The following TEAD3 variants were observed in gnomAD, a reference collection of about 807,000 sequenced individuals.
The protein encoded by TEAD3 is transcriptional enhancer factor TEF-5.
TEAD3 carries 15 observed loss-of-function variants against 55.6 expected under a neutral mutation model. That is an observed-to-expected ratio of 0.27 (90% confidence interval 0.18 to 0.42). The LOEUF (loss-of-function observed/expected upper bound fraction) is 0.42, where lower values mean the gene tolerates loss of function less well. TEAD3 is among the 10% of genes least tolerant of loss of function. The pLI is 1.00. For synonymous variants in TEAD3, 210 were observed against 232.2 expected (o/e 0.90, Z 0.87); for missense variants, 407 against 576.8 (o/e 0.71, Z 3.01).
rs1768359426 is a variant in TEAD3 at position 35,485,663 on chromosome 6, C to A, written c.202+798G>T. Among the ~76,000 whole-genome samples the A allele has an allele frequency of 6.6e-6, 1 of 152,194 alleles. No individual in the cohort carries two copies. Among genetic ancestry groups the A allele is most frequent in the African/African-American group, 2.4e-5 (1 of 41,452 alleles). On this transcript the variant is annotated intron_variant, in intron 2 of 12. Transcript: ENST00000639578. This position sits in a 1 kb window ranked among gnomAD's most constrained non-coding sequence, Gnocchi z 4.3. Reference sequence around the variant, plus strand: ...GGCAGCAGTGGGGGCAGACAGCACCCACCCTGTGGAAGGCACCCTGGACCA... The same window carrying A: ...GGCAGCAGTGGGGGCAGACAGCACCAACCCTGTGGAAGGCACCCTGGACCA...
chr6:35,480,185 C>A, intron 3 of TEAD3, 127 bp downstream of exon 4: 1 of 1,549,804 alleles, frequency 6.5e-7, no homozygotes, highest in Non-Finnish European at 8.7e-7. Context: ...AGAAACAGAG[C>A]TTCAGCCAGA....
chr6:35,488,558 A>T lies in TEAD3; in HGVS notation c.-49-1847T>A, dbSNP rs1053666332. On this transcript the variant is annotated intron_variant, in intron 1 of 12. Coordinates refer to ENST00000639578, the Ensembl canonical transcript of TEAD3. This position sits in a 1 kb window ranked among gnomAD's most constrained non-coding sequence, Gnocchi z 4.2. ...ACCGTCAGAAGCCAGGGAGAGGAAG[A>T]TGAATTCCAGGTCCTGCTGCTTGAG... Among the ~76,000 whole-genome samples, 6 of 151,964 alleles carry T rather than the reference A, an allele frequency of 3.9e-5. No homozygotes were observed. The highest frequency in any genetic ancestry group is 1.5e-4 in the African/African-American group (6 of 41,362).
chr6:35,475,944 T>A lies in TEAD3; in HGVS notation c.875A>T (p.Asn292Ile), dbSNP rs1030688816. Residue 292 changes from asparagine to isoleucine, a missense_variant, in exon 10 of 13, where the codon AAT becomes ATT. By Grantham distance (149) the Asn-to-Ile change is moderately radical (BLOSUM62 -3). Coordinates refer to ENST00000639578, the Ensembl canonical transcript of TEAD3. This position sits in a 1 kb window ranked among gnomAD's most constrained non-coding sequence, Gnocchi z 5.4. ...CCAGAACTTGACAAGGAAGAAGGCA[T>A]TAGGGGGCCCCTTCTCATAGAGCTC... is the stretch of plus-strand genomic sequence containing the variant. 1 of 1,541,904 alleles carries A rather than the reference T, an allele frequency of 6.5e-7. No individual in the cohort carries two copies. Among genetic ancestry groups the A allele is most frequent in the African/African-American group, 1.4e-5 (1 of 72,006 alleles).
Position 35,486,360 on chromosome 6 carries a change from G to A in TEAD3, c.202+101C>T. ...CAGGCTTGCGCGCCCAGACTCGCCC[G>A]GCCAGCGGCTGGCGGCCTCCGACGT... On this transcript the variant is annotated intron_variant, in intron 2 of 12. Transcript: ENST00000639578. This position sits in a 1 kb window ranked among gnomAD's most constrained non-coding sequence, Gnocchi z 7.3. The A allele has an allele frequency of 2.9e-6, 4 of 1,388,604 alleles. No individual in the cohort carries two copies. Among genetic ancestry groups the A allele is most frequent in the East Asian group, 2.5e-5 (1 of 40,328 alleles). 86.0% of individuals were successfully genotyped at this position (1,388,604 alleles called of 1,614,324 possible). A position where few individuals can be genotyped will look rare whatever the true frequency, so the allele number is the denominator to read the frequency against.
At position 35,475,197 on chromosome 6, in the gene TEAD3, G is replaced by A; in HGVS notation, c.1195-40C>T. The A allele has an allele frequency of 6.4e-7, 1 of 1,569,142 alleles. No homozygotes were observed. The highest frequency in any genetic ancestry group is 8.7e-7 in the Non-Finnish European group (1 of 1,155,978). On this transcript the variant is annotated intron_variant, in intron 12 of 12. Coordinates refer to ENST00000639578, the Ensembl canonical transcript of TEAD3. The surrounding 1 kb of genome is among the most constrained non-coding windows in gnomAD (Gnocchi z 5.4). ...GGTAAGAGATTCAGGAGGTCAGGGA[G>A]AAAAGGGCCACGGGGCAGGGGGCTG...
Position 35,475,293 on chromosome 6 carries a change from C to A in TEAD3, c.1194+43G>T. Reference sequence around the variant, plus strand: ...TGTGTCTGGCTACCCAACTTGGAGGCCCTGGCCTGTGGGACTCCCCACGAC... The same window carrying A: ...TGTGTCTGGCTACCCAACTTGGAGGACCTGGCCTGTGGGACTCCCCACGAC... On this transcript the variant is annotated intron_variant, in intron 12 of 12. Transcript: ENST00000639578. The surrounding 1 kb of genome is among the most constrained non-coding windows in gnomAD (Gnocchi z 5.4). 4 of 1,608,502 alleles carry A rather than the reference C, an allele frequency of 2.5e-6. No homozygotes were observed. Among genetic ancestry groups the A allele is most frequent in the Non-Finnish European group, 1.7e-6 (2 of 1,176,676 alleles).
intron 1 of TEAD3, among the ~76,000 whole-genome samples, chr6:35,492,794 G>C (rs996885415): frequency 6.6e-6 from 1 of 152,088 alleles, no homozygotes; most frequent in Non-Finnish European, 1.5e-5. Context: ...GCAGTATAGC[G>C]GGTAGGAGGG....
chr6:35,475,703 C>T lies in TEAD3; in HGVS notation c.904G>A (p.Asp302Asn), dbSNP rs373604865. The change falls in exon 11 of 13, where the codon GAC becomes AAC. Residue 302 changes from aspartate to asparagine, a missense_variant. Coordinates refer to ENST00000639578, the Ensembl canonical transcript of TEAD3. The surrounding 1 kb of genome is among the most constrained non-coding windows in gnomAD (Gnocchi z 5.4). ...CCCTCCTGGATGGTGCTGTTGAGGTCGGCCTGGGCATGGGGGTGGGGGGTG... is the reference window on the plus strand; with the variant it reads ...CCCTCCTGGATGGTGCTGTTGAGGTTGGCCTGGGCATGGGGGTGGGGGGTG... The T allele has an allele frequency of 4.4e-6, 7 of 1,591,916 alleles. No individual in the cohort carries two copies. Among genetic ancestry groups the T allele is most frequent in the African/African-American group, 4.0e-5 (3 of 74,264 alleles).
At chr6:35,474,591 G>A (rs1387935298), downstream of TEAD3, 2 of 161,926 alleles carry the variant, frequency 1.2e-5, no homozygotes, top group African/African-American at 4.8e-5. Flanking sequence ...GCAAGGAAGT[G>A]TGGGCCCCTC....
intron 1 of TEAD3, among the ~76,000 whole-genome samples, chr6:35,489,681 G>A (rs184249016): frequency 6.6e-6 from 1 of 152,212 alleles, no homozygotes. Context: ...AGAGCCCCAG[G>A]CCCTACTCCT....
In TEAD3 at chr6:35,475,465, G is replaced by A. The variant is rs995749355; in HGVS notation, c.1065C>T (p.Asn355=). 1.3e-5 allele frequency: 21 copies of A among 1,613,190 alleles called. No homozygotes were observed. Among genetic ancestry groups the A allele is most frequent in the South Asian group, 7.7e-5 (7 of 91,078 alleles). The change falls in exon 12 of 13, where the codon AAC becomes AAT. Residue 355 remains asparagine (N), a synonymous_variant. Transcript: ENST00000639578. The surrounding 1 kb of genome is among the most constrained non-coding windows in gnomAD (Gnocchi z 5.4). Reference sequence around the variant, plus strand: ...GGTGGATACGGTACACAAAGCGCCCGTTCTCCAGCCTGGCATACTCAGTCT... The same window carrying A: ...GGTGGATACGGTACACAAAGCGCCCATTCTCCAGCCTGGCATACTCAGTCT...
chr6:35,489,950 C>T (rs72894778), intron 1 of TEAD3, among the ~76,000 whole-genome samples: 7,618 of 151,952 alleles, frequency 0.05, 293 homozygotes, highest in Non-Finnish European at 0.082. Context: ...GGTGGGGGCA[C>T]CTAGGGACTC....
chr6:35,480,725 G>A (rs986501164), intron 3 of TEAD3, among the ~76,000 whole-genome samples: 1 of 152,190 alleles, frequency 6.6e-6, no homozygotes, highest in African/African-American at 2.4e-5. Context: ...CAGCTGCACA[G>A]GTTGTTCACT....
downstream of TEAD3, chr6:35,473,775 G>A (rs530330452): frequency 1.3e-5 from 2 of 152,364 alleles, no homozygotes; most frequent in Non-Finnish European, 2.9e-5. Context: ...AAACCTAGGT[G>A]GGGTTTGGAG....
intron 1 of TEAD3, among the ~76,000 whole-genome samples, chr6:35,490,383 G>A (rs1229423103): frequency 6.6e-6 from 1 of 152,116 alleles, no homozygotes; most frequent in Non-Finnish European, 1.5e-5. Context: ...GTCAAGGAGA[G>A]AATAGGACCA....
chr6:35,495,877 C>G (rs1234024245), intron 1 of TEAD3, among the ~76,000 whole-genome samples: 1 of 152,338 alleles, frequency 6.6e-6, no homozygotes, highest in South Asian at 2.1e-4. Context: ...TGACCTGGTT[C>G]TGCCCCTACC....
At chr6:35,478,528 A>T in exon 6 of TEAD3, 1 of 1,605,372 alleles carries the variant, frequency 6.2e-7, no homozygotes, top group Non-Finnish European at 8.5e-7. Context: ...GGCAGAGGAC[A>T]TGGACGCCAT....
At position 35,480,256 on chromosome 6, in the gene TEAD3, C is replaced by T. The variant is rs185085620; in HGVS notation, c.268-134G>A. The T allele has an allele frequency of 3.3e-5, 53 of 1,591,804 alleles. No homozygotes were observed. In the Admixed American group the frequency reaches 8.9e-4, roughly 27 times the overall value. On this transcript the variant is annotated intron_variant, in intron 3 of 12. Transcript: ENST00000639578. ...AAAGGCCTGAGCTATGCAGAGATAG[C>T]GCCGTGGGTGAGGGGCCCAGGAGGG...
rs551549042 is a variant in TEAD3, at chr6:35,479,957, T to G, written c.330+103A>C. On this transcript the variant is annotated intron_variant, in intron 4 of 12. Coordinates refer to ENST00000639578, the Ensembl canonical transcript of TEAD3. Reference sequence around the variant, plus strand: ...GTTTCTTTCTGGACCCCCTCACAGCTTCTCAGCCCCTTGCCTGTCCCAGGC... The same window carrying G: ...GTTTCTTTCTGGACCCCCTCACAGCGTCTCAGCCCCTTGCCTGTCCCAGGC... The G allele has an allele frequency of 1.4e-5, 15 of 1,052,488 alleles. No individual in the cohort carries two copies. The Admixed American group carries it at 3.2e-4, about 22-fold the overall frequency. 65.2% of individuals were successfully genotyped at this position (1,052,488 alleles called of 1,614,324 possible). A position where few individuals can be genotyped will look rare whatever the true frequency, so the allele number is the denominator to read the frequency against.
Sources: gnomAD v4.1 joint callset for allele counts (sites outside exome capture counted in the v4.1 genomes callset) on GRCh38, gnomAD v4.1.1 for gene constraint, Gnocchi (gnomAD v3.1) non-coding constraint, MANE v1.5 for transcripts, NCBI Gene and HGNC (gene_info 2026-07-23, HGNC 2026-07-21) for gene names.